VRK2: variants seen among roughly 807,000 people sequenced by gnomAD.
The protein encoded by VRK2 is serine/threonine-protein kinase VRK2.
Under a neutral mutation model 57.6 loss-of-function variants are expected in VRK2, and 60 were observed. The ratio of observed to expected loss-of-function variants is 1.04; its 90% CI spans 0.85 to 1.29. The LOEUF is 1.29. Among genes scored for constraint, VRK2 ranks in the 50% most tolerant of loss-of-function variants. The pLI is 0.00. For missense variants in VRK2, 705 were observed against 588.1 expected (o/e 1.20, Z -2.06); for synonymous variants, 231 against 199.2 (o/e 1.16, Z -1.35).
rs1308250711 is a variant in VRK2, at chr2:58,086,334, T to C, written c.257-5T>C. 4 of 1,597,336 alleles carry C rather than the reference T, an allele frequency of 2.5e-6. No individual in the cohort carries two copies. Among genetic ancestry groups the C allele is most frequent in the South Asian group, 1.1e-5 (1 of 87,350 alleles). On this transcript the variant is annotated splice_polypyrimidine_tract_variant and splice_region_variant and intron_variant, in intron 4 of 12. Transcript: ENST00000340157. Reference sequence around the variant, plus strand: ...ATCTTTTTAAAAATAAATTTGTCTTTGTAGTCAAAAAGTGGATAGAACGCA... The same window carrying C: ...ATCTTTTTAAAAATAAATTTGTCTTCGTAGTCAAAAAGTGGATAGAACGCA...
chr2:58,016,163 TAGAG>T (rs1043400874), intron 1 of VRK2, among the ~76,000 whole-genome samples: 3 of 152,138 alleles, frequency 2.0e-5, no homozygotes, highest in Admixed American at 2.0e-4. Context: ...ATCTATAAAA[TAGAG>T]AGCATAATAA....
At chr2:57,986,822 C>T (rs919884345) in intron 1 of VRK2, among the ~76,000 whole-genome samples, 1 of 152,146 alleles carries the variant, frequency 6.6e-6, no homozygotes, top group Non-Finnish European at 1.5e-5. Flanking sequence ...TGGTCTCGAA[C>T]TCCTGACCTG....
intron 3 of VRK2, among the ~76,000 whole-genome samples, chr2:58,037,012 C>A (rs1449504817): frequency 6.6e-6 from 1 of 152,016 alleles, no homozygotes; most frequent in Middle Eastern, 3.4e-3. Flanking sequence ...AGTCACTACT[C>A]ACTGTAGTCT....
At chr2:58,158,796 A>ATATT (rs1246169209) in intron 12 of VRK2, among the ~76,000 whole-genome samples, 2 of 152,258 alleles carry the variant, frequency 1.3e-5, no homozygotes, top group African/African-American at 2.4e-5. Flanking sequence ...AATTTGCTTT[A>ATATT]TATTAATATC....
intron 7 of VRK2, among the ~76,000 whole-genome samples, chr2:58,100,694 A>G (rs1013678698): frequency 2.0e-5 from 3 of 151,836 alleles, no homozygotes; most frequent in African/African-American, 4.8e-5. Flanking sequence ...CAGTATAACT[A>G]TCATATGAAT....
At chr2:58,050,997 A>C (rs934520913) in intron 2 of VRK2, among the ~76,000 whole-genome samples, 12 of 152,122 alleles carry the variant, frequency 7.9e-5, no homozygotes, top group African/African-American at 2.9e-4. Flanking sequence ...GGCACCTGCC[A>C]CCCTGCCTGG....
chr2:58,020,569 G>C (rs1673724047), intron 1 of VRK2, among the ~76,000 whole-genome samples: 1 of 152,184 alleles, frequency 6.6e-6, no homozygotes, highest in Non-Finnish European at 1.5e-5. Flanking sequence ...TGTGTTAAAA[G>C]CAGAAAAATA....
intron 5 of VRK2, 28 bp downstream of exon 5, chr2:58,086,454 T>C (rs190888774): frequency 6.5e-7 from 1 of 1,544,082 alleles, no homozygotes; most frequent in South Asian, 1.2e-5. Context: ...TAATCAAATA[T>C]TTCTTTATAA....
chr2:58,084,880 G>C lies in VRK2; in HGVS notation c.187-1G>C. 2.0e-6 allele frequency: 3 copies of C among 1,527,486 alleles called. No homozygotes were observed. Among genetic ancestry groups the C allele is most frequent in the Non-Finnish European group, 2.7e-6 (3 of 1,124,602 alleles). 94.6% of individuals were successfully genotyped at this position (1,527,486 alleles called of 1,614,324 possible). A position where few individuals can be genotyped will look rare whatever the true frequency, so the allele number is the denominator to read the frequency against. ...AAAATTAATTATTCTTTTTTTTATA[G>C]GAATATCAAGAAAATGGCCCGTTAT... On this transcript the variant is annotated splice_acceptor_variant, in intron 3 of 12. Coordinates refer to ENST00000340157, the MANE Select transcript of VRK2 (RefSeq NM_006296.7). LOFTEE classifies it high-confidence loss of function.
chr2:58,001,594 G>A (rs942112660), intron 1 of VRK2, among the ~76,000 whole-genome samples: 18 of 152,090 alleles, frequency 1.2e-4, no homozygotes, highest in Non-Finnish European at 2.5e-4. Context: ...GGACAAGGCG[G>A]GCTGATCACT....
chr2:58,077,166 CT>C (rs1242383576), intron 2 of VRK2, among the ~76,000 whole-genome samples: 2 of 151,720 alleles, frequency 1.3e-5, no homozygotes, highest in African/African-American at 4.8e-5. Context: ...GCTTAGCGCT[CT>C]TTTTTTTCTC....
Position 58,084,901 on chromosome 2 carries a change from G to A in VRK2, c.207G>A (p.Pro69=), listed in dbSNP as rs748414309. 15 of 1,580,844 alleles carry A rather than the reference G, an allele frequency of 9.5e-6. 1 individual carries two copies. The highest frequency in any genetic ancestry group is 3.4e-4 in the Middle Eastern group (2 of 5,934). Residue 69 remains proline (P), a synonymous_variant, in exon 4 of 13, where the codon CCG becomes CCA. Transcript: ENST00000340157. ...TATAGGAATATCAAGAAAATGGCCC[G>A]TTATTTTCAGAACTTAAATTTTATC... ...VVKVEYQENG[P]LFSELKFYQR...
intron 1 of VRK2, among the ~76,000 whole-genome samples, chr2:57,938,435 A>C (rs1670986736): frequency 6.6e-6 from 1 of 152,212 alleles, no homozygotes; most frequent in Non-Finnish European, 1.5e-5. Flanking sequence ...AGTGGAATAT[A>C]GTAAGTTCAT....
At chr2:58,120,542 G>A (rs939518153) in intron 7 of VRK2, among the ~76,000 whole-genome samples, 2 of 151,978 alleles carry the variant, frequency 1.3e-5, no homozygotes, top group Non-Finnish European at 1.5e-5. Flanking sequence ...TTCAAGGTTT[G>A]AGCAACCTAG....
intron 1 of VRK2, among the ~76,000 whole-genome samples, chr2:57,976,206 T>C (rs1162184592): frequency 6.6e-6 from 1 of 152,144 alleles, no homozygotes; most frequent in Non-Finnish European, 1.5e-5. Context: ...TTGTGAATAG[T>C]GTTGTGATGA....
chr2:57,936,292 A>G (rs979372299), intron 1 of VRK2, among the ~76,000 whole-genome samples: 1 of 152,130 alleles, frequency 6.6e-6, no homozygotes, highest in African/African-American at 2.4e-5. Context: ...TAATTTTGTC[A>G]ACATAATTTC....
chr2:58,039,015 G>A (rs897620062), intron 3 of VRK2, among the ~76,000 whole-genome samples: 1 of 152,002 alleles, frequency 6.6e-6, no homozygotes, highest in African/African-American at 2.4e-5. Flanking sequence ...ATGTACAACT[G>A]GAATATGATA....
chr2:57,997,162 T>C (rs1245927299), intron 1 of VRK2, among the ~76,000 whole-genome samples: 2 of 152,156 alleles, frequency 1.3e-5, no homozygotes, highest in Non-Finnish European at 2.9e-5. Context: ...TTTTGTCTGA[T>C]GCCAGGAAAT....
intron 12 of VRK2, among the ~76,000 whole-genome samples, chr2:58,151,785 A>C (rs1264790426): frequency 1.2e-5 from 1 of 86,050 alleles, no homozygotes; most frequent in African/African-American, 4.5e-5. Flanking sequence ...ACTCTAGAGC[A>C]AGGGGTCAGT....
Sources: gnomAD v4.1 joint callset for allele counts (sites outside exome capture counted in the v4.1 genomes callset) on GRCh38, gnomAD v4.1.1 for gene constraint, MANE v1.5 for transcripts, NCBI Gene and HGNC (gene_info 2026-07-23, HGNC 2026-07-21) for gene names.